Variants in DGKI observed in about 807,000 individuals in gnomAD.
DGKI encodes the protein DAG kinase iota.
Under a neutral mutation model 147.5 loss-of-function variants are expected in DGKI, and 55 were observed. That is an observed-to-expected ratio of 0.37 (90% CI 0.30 to 0.47). The LOEUF (loss-of-function observed/expected upper bound fraction) is 0.47, where lower values mean the gene tolerates loss of function less well. Among genes scored for constraint, DGKI ranks in the 20% least tolerant of loss-of-function variants. The pLI, the probability that DGKI is intolerant of heterozygous loss-of-function variation, is 1.00. For synonymous variants in DGKI, 469 were observed against 477.1 expected (o/e 0.98, Z 0.22); for missense variants, 1,007 against 1,323.8 (o/e 0.76, Z 3.71).
chr7:137,463,776 A>G (rs1252863963), intron 26 of DGKI, among the ~76,000 whole-genome samples, 165 bp from the exon 27 acceptor site: 2 of 152,188 alleles, frequency 1.3e-5, no homozygotes, highest in African/African-American at 4.8e-5. Context: ...CATTTATCTC[A>G]ACAATCATGA....
intron 1 of DGKI, among the ~76,000 whole-genome samples, chr7:137,809,575 A>G (rs1797495359): frequency 6.6e-6 from 1 of 152,184 alleles, no homozygotes; most frequent in African/African-American, 2.4e-5. Flanking sequence ...AAGTTTAGAG[A>G]AAGGGAAATT....
chr7:137,512,990 A>T (rs1051134617), intron 21 of DGKI, among the ~76,000 whole-genome samples: 4 of 152,206 alleles, frequency 2.6e-5, no homozygotes, highest in African/African-American at 9.6e-5. Context: ...TTACAAAAAA[A>T]CAATGAATTC....
At chr7:137,472,388 C>CATATA in intron 23 of DGKI, among the ~76,000 whole-genome samples, 1 of 87,700 alleles carries the variant, frequency 1.1e-5, no homozygotes, top group African/African-American at 7.6e-5. Context: ...TGTATATATA[C>CATATA]ATATTATAAT....
chr7:137,660,742 T>C (rs1822395592), intron 3 of DGKI, among the ~76,000 whole-genome samples: 1 of 151,856 alleles, frequency 6.6e-6, no homozygotes, highest in East Asian at 1.9e-4. Flanking sequence ...TAAGTAACAA[T>C]GAATATCTGG....
intron 7 of DGKI, among the ~76,000 whole-genome samples, chr7:137,620,193 A>T (rs988290258): frequency 6.6e-6 from 1 of 152,184 alleles, no homozygotes; most frequent in Non-Finnish European, 1.5e-5. Flanking sequence ...ATTCCGGTTT[A>T]CAAACTTATA....
intron 1 of DGKI, among the ~76,000 whole-genome samples, chr7:137,708,523 C>T (rs1367264656): frequency 2.0e-5 from 3 of 152,278 alleles, no homozygotes; most frequent in East Asian, 3.9e-4. Flanking sequence ...TCTAAGATAA[C>T]AGGAAACATC....
chr7:137,668,029 T>C (rs1822703493), intron 3 of DGKI, among the ~76,000 whole-genome samples: 1 of 152,236 alleles, frequency 6.6e-6, no homozygotes, highest in Non-Finnish European at 1.5e-5. Flanking sequence ...CTGTGCAACT[T>C]GCCCAAGAAA....
chr7:137,433,418 A>C (rs2128912423), intron 28 of DGKI, among the ~76,000 whole-genome samples: 1 of 152,342 alleles, frequency 6.6e-6, no homozygotes, highest in South Asian at 2.1e-4. Context: ...GGAGGCCACC[A>C]AAACGATAAA....
Position 137,580,291 on chromosome 7 carries a change from G to C in DGKI, c.1642+1559C>G, listed in dbSNP as rs145935092. ...TGAGATAAAAAATGGGGTAAGAAAT[G>C]AAGAATAAAATCCCCCATGTACTTC... On this transcript the variant is annotated intron_variant, in intron 15 of 32. Transcript: ENST00000614521. Among the ~76,000 whole-genome samples the C allele has an allele frequency of 6.9e-3, 1,043 of 152,186 alleles. 15 individuals carry two copies. Among genetic ancestry groups the C allele is most frequent in the African/African-American group, 0.024 (995 of 41,528 alleles).
In DGKI at chr7:137,803,883, G is replaced by A. The variant is rs566869444; in HGVS notation, c.401+42579C>T. ...GGCCCAGGTCCCATCCCTAACACCCGCTCACTATATCATCTTAGATTCGTG... is the reference window on the plus strand; with the variant it reads ...GGCCCAGGTCCCATCCCTAACACCCACTCACTATATCATCTTAGATTCGTG... On this transcript the variant is annotated intron_variant, in intron 1 of 32. Transcript: ENST00000614521. Among the ~76,000 whole-genome samples the A allele has an allele frequency of 2.2e-3, 337 of 152,252 alleles. 4 individuals carry two copies. Among genetic ancestry groups the A allele is most frequent in the African/African-American group, 7.5e-3 (313 of 41,542 alleles).
intron 8 of DGKI, among the ~76,000 whole-genome samples, chr7:137,619,380 C>G (rs1820661357): frequency 6.6e-6 from 1 of 152,196 alleles, no homozygotes; most frequent in Non-Finnish European, 1.5e-5. Flanking sequence ...GGTCATGATT[C>G]ATGGTCTGCC....
chr7:137,443,522 G>C (rs986922058), intron 28 of DGKI, among the ~76,000 whole-genome samples: 1 of 152,130 alleles, frequency 6.6e-6, no homozygotes, highest in Non-Finnish European at 1.5e-5. Flanking sequence ...AGGTGAGATG[G>C]AACAAAATGA....
rs1585513875 is a variant in DGKI at position 137,804,553 on chromosome 7, A to G, written c.401+41909T>C. Among the ~76,000 whole-genome samples, 3 of 152,218 alleles carry G rather than the reference A, an allele frequency of 2.0e-5. No individual in the cohort carries two copies. In the East Asian group the frequency reaches 5.8e-4, roughly 29 times the overall value. The stretch of plus-strand genomic sequence containing the variant: ...AAGAACAAAGGCAAGGCAGTTTTGA[A>G]GTCTTTGAAGAAAAATAAAAAGATG... On this transcript the variant is annotated intron_variant, in intron 1 of 32. Coordinates refer to ENST00000614521, the MANE Select transcript of DGKI (RefSeq NM_001321708.2).
intron 2 of DGKI, among the ~76,000 whole-genome samples, chr7:137,683,230 C>T (rs1823301342): frequency 6.6e-6 from 1 of 151,694 alleles, no homozygotes; most frequent in Non-Finnish European, 1.5e-5. Flanking sequence ...TGTGCCTCTC[C>T]CTTGTTCAGA....
Position 137,723,699 on chromosome 7 carries a change from C to CTT in DGKI, c.402-33699_402-33698dup, listed in dbSNP as rs769605042. ...ATTTTGATAAGGTATCATGATATCCCTTTTTTTTTTTTTTTTTTTTTTTTT... is the reference window on the plus strand; with the variant it reads ...ATTTTGATAAGGTATCATGATATCCCTTTTTTTTTTTTTTTTTTTTTTTTTTT... On this transcript the variant is annotated intron_variant, in intron 1 of 32. Transcript: ENST00000614521. Among the ~76,000 whole-genome samples, 174 of 104,416 alleles carry CTT rather than the reference C, an allele frequency of 1.7e-3. 4 individuals are homozygous for CTT. Among genetic ancestry groups the CTT allele is most frequent in the African/African-American group, 2.8e-3 (61 of 21,584 alleles). The allele number at this position is 104,416 out of a possible 152,430, so 68.5% of individuals were successfully genotyped here.
intron 6 of DGKI, among the ~76,000 whole-genome samples, chr7:137,628,650 A>C (rs1163921127): frequency 6.6e-6 from 1 of 152,204 alleles, no homozygotes; most frequent in Non-Finnish European, 1.5e-5. Context: ...GTCAAAGAGG[A>C]AAATAGGGAT....
intron 1 of DGKI, among the ~76,000 whole-genome samples, chr7:137,774,303 A>T (rs1049575768): frequency 8.7e-5 from 13 of 149,462 alleles, no homozygotes; most frequent in East Asian, 3.9e-4. Context: ...CAACTGTTTT[A>T]AAAAAAAAAA....
intron 1 of DGKI, among the ~76,000 whole-genome samples, chr7:137,771,088 T>A: frequency 6.6e-6 from 1 of 152,262 alleles, no homozygotes; most frequent in Non-Finnish European, 1.5e-5. Flanking sequence ...ATTCTTTATT[T>A]ATTTTTATTT....
At chr7:137,774,959 C>A (rs1042063673) in intron 1 of DGKI, 2 of 152,082 alleles carry the variant, frequency 1.3e-5, no homozygotes, top group African/African-American at 4.8e-5. Flanking sequence ...CTTCATCTGC[C>A]GTCAATATCT....
Sources: gnomAD v4.1 joint callset for allele counts (sites outside exome capture counted in the v4.1 genomes callset) on GRCh38, gnomAD v4.1.1 for gene constraint, MANE v1.5 for transcripts, NCBI Gene and HGNC (gene_info 2026-07-23, HGNC 2026-07-21) for gene names.